RBPMS2: variants seen among roughly 807,000 people sequenced by gnomAD.
The protein encoded by RBPMS2 is RNA-binding protein with multiple splicing 2.
RBPMS2 carries 14 observed loss-of-function variants against 25.7 expected under a neutral mutation model. The observed-to-expected ratio is 0.55, with a 90% CI of 0.36 to 0.85. The LOEUF (loss-of-function observed/expected upper bound fraction) is 0.85, where lower values mean the gene tolerates loss of function less well. RBPMS2 is among the 40% of genes least tolerant of loss of function. The pLI, the probability that RBPMS2 is intolerant of heterozygous loss-of-function variation, is 0.01. For synonymous variants in RBPMS2, 127 were observed against 115.6 expected (o/e 1.10, Z -0.63); for missense variants, 252 against 283.4 (o/e 0.89, Z 0.80).
intron 1 of RBPMS2, among the ~76,000 whole-genome samples, chr15:64,763,629 T>C (rs2083813445): frequency 6.6e-6 from 1 of 152,190 alleles, no homozygotes; most frequent in African/African-American, 2.4e-5. Flanking sequence ...CTCATAGTCC[T>C]TTGAGCAACA....
At chr15:64,771,954 C>T (rs940048369) in intron 1 of RBPMS2, among the ~76,000 whole-genome samples, 5 of 152,052 alleles carry the variant, frequency 3.3e-5, no homozygotes, top group Admixed American at 2.6e-4. Context: ...AGTGAAACTC[C>T]CCTTCAAACA....
At chr15:64,763,151 G>C (rs2083807976) in intron 1 of RBPMS2, among the ~76,000 whole-genome samples, 1 of 152,136 alleles carries the variant, frequency 6.6e-6, no homozygotes, top group African/African-American at 2.4e-5. Context: ...GCCTCCCATA[G>C]GAAAGAAGGC....
At chr15:64,750,114 T>C (rs943734266) in intron 3 of RBPMS2, among the ~76,000 whole-genome samples, 1 of 150,720 alleles carries the variant, frequency 6.6e-6, no homozygotes, top group Admixed American at 6.6e-5. Flanking sequence ...CCAGCGGGGC[T>C]CCCAGATTCC....
At chr15:64,751,498 T>A (rs982329452) in intron 2 of RBPMS2, 63 bp downstream of exon 2, 33 of 1,429,774 alleles carry the variant, frequency 2.3e-5, no homozygotes, top group Non-Finnish European at 3.1e-5. Context: ...GACCCGAGAT[T>A]CACTCCCGCT....
chr15:64,768,235 G>A (rs1363804879), intron 1 of RBPMS2, among the ~76,000 whole-genome samples: 3 of 152,166 alleles, frequency 2.0e-5, no homozygotes, highest in South Asian at 4.1e-4. Context: ...CTGCTTGGGC[G>A]TGGCAACTCA....
intron 6 of RBPMS2, among the ~76,000 whole-genome samples, chr15:64,746,809 A>G (rs2083621280): frequency 1.3e-5 from 2 of 152,236 alleles, no homozygotes; most frequent in Admixed American, 6.5e-5. Flanking sequence ...CTCATTTTAC[A>G]GATGGGGACA....
intron 1 of RBPMS2, among the ~76,000 whole-genome samples, chr15:64,767,674 G>A (rs994180270): frequency 1.4e-4 from 21 of 152,034 alleles, no homozygotes; most frequent in African/African-American, 5.1e-4. Flanking sequence ...GCCTTGAGTG[G>A]GATTTTTTTT....
chr15:64,759,066 T>A (rs1350898759), intron 1 of RBPMS2, among the ~76,000 whole-genome samples: 2 of 152,136 alleles, frequency 1.3e-5, no homozygotes, highest in Non-Finnish European at 2.9e-5. Context: ...ACTGGAATTA[T>A]AGGTGTGAGC....
At chr15:64,753,808 C>T (rs1022172796) in intron 1 of RBPMS2, among the ~76,000 whole-genome samples, 2 of 152,150 alleles carry the variant, frequency 1.3e-5, no homozygotes, top group Admixed American at 6.6e-5. Context: ...GGAGACACCA[C>T]TCGAATCCTG....
intron 2 of RBPMS2, among the ~76,000 whole-genome samples, chr15:64,751,111 G>A (rs1244917085): frequency 6.6e-6 from 1 of 152,044 alleles, no homozygotes; most frequent in East Asian, 1.9e-4. Flanking sequence ...GGGGCGGGCG[G>A]ATCACGAGGT....
At chr15:64,770,987 A>G (rs1487857725) in intron 1 of RBPMS2, among the ~76,000 whole-genome samples, 1 of 152,188 alleles carries the variant, frequency 6.6e-6, no homozygotes, top group East Asian at 1.9e-4. Flanking sequence ...AAGGGCAGGG[A>G]AGGGCAAAGC....
At chr15:64,761,426 G>A (rs576682086) in intron 1 of RBPMS2, among the ~76,000 whole-genome samples, 62 of 152,340 alleles carry the variant, frequency 4.1e-4, no homozygotes, top group Non-Finnish European at 6.9e-4. Flanking sequence ...GAGCATGTCA[G>A]AAACAGCCTG....
intron 6 of RBPMS2, among the ~76,000 whole-genome samples, chr15:64,747,387 T>C (rs2083627425): frequency 6.6e-6 from 1 of 152,108 alleles, no homozygotes; most frequent in Non-Finnish European, 1.5e-5. Flanking sequence ...TTCTGGCTTC[T>C]CCTGCTTTCC....
chr15:64,770,964 T>C (rs2083888680), intron 1 of RBPMS2, among the ~76,000 whole-genome samples: 1 of 152,202 alleles, frequency 6.6e-6, no homozygotes, highest in Non-Finnish European at 1.5e-5. Flanking sequence ...CCAGCCACAC[T>C]GGGATGAGGT....
At chr15:64,744,607 G>GAGA (rs35405240) in intron 6 of RBPMS2, among the ~76,000 whole-genome samples, 129,872 of 147,660 alleles carry the variant, frequency 0.88, 58,079 homozygotes, top group East Asian at 0.96. Flanking sequence ...GAGGTGCCCA[G>GAGA]AAGTACACAC....
chr15:64,760,191 G>A lies in RBPMS2; in HGVS notation c.88-8553C>T, dbSNP rs182869769. On this transcript the variant is annotated intron_variant, in intron 1 of 7. Coordinates refer to ENST00000300069, the MANE Select transcript of RBPMS2 (RefSeq NM_194272.3). ...TGGGGGAGAAGGAGGGGCCAAAGCA[G>A]CTGAGCAAAGCCTCCATGAAGAACA... Among the ~76,000 whole-genome samples the A allele has an allele frequency of 4.6e-5, 7 of 152,354 alleles. No homozygotes were observed. The East Asian group carries it at 1.2e-3, about 25-fold the overall frequency.
chr15:64,751,701 C>A, intron 1 of RBPMS2, 63 bp from the exon 2 acceptor site: 2 of 1,388,924 alleles, frequency 1.4e-6, no homozygotes, highest in African/African-American at 1.4e-5. Flanking sequence ...GACAACAGCG[C>A]TTCCTTCAGG....
intron 1 of RBPMS2, among the ~76,000 whole-genome samples, chr15:64,760,284 CG>C (rs2141069974): frequency 6.6e-6 from 1 of 152,300 alleles, no homozygotes; most frequent in South Asian, 2.1e-4. Flanking sequence ...GAAGTGGCTG[CG>C]GCCTGGCCGC....
intron 2 of RBPMS2, 96 bp downstream of exon 2, chr15:64,751,465 C>T (rs1025529592): frequency 2.1e-5 from 22 of 1,027,676 alleles, no homozygotes; most frequent in Middle Eastern, 4.1e-4. Flanking sequence ...CACGCCTTCC[C>T]GCATCATCCT....
Sources: gnomAD v4.1 joint callset for allele counts (sites outside exome capture counted in the v4.1 genomes callset) on GRCh38, gnomAD v4.1.1 for gene constraint, MANE v1.5 for transcripts, NCBI Gene and HGNC (gene_info 2026-07-23, HGNC 2026-07-21) for gene names.